Variants in PSEN1 observed in about 807,000 individuals in gnomAD.
PSEN1 encodes the protein presenilin 1.
PSEN1 carries 15 observed loss-of-function variants against 53.5 expected under a neutral mutation model. The ratio of observed to expected loss-of-function variants is 0.28; its 90% CI spans 0.19 to 0.43. The LOEUF (loss-of-function observed/expected upper bound fraction) is 0.43, where lower values mean the gene tolerates loss of function less well. PSEN1 is among the 20% of genes least tolerant of loss of function. PSEN1 has a pLI of 1.00. For synonymous variants in PSEN1, 208 were observed against 209.8 expected, an observed-to-expected ratio of 0.99 and a Z score of 0.08; for missense variants, 387 against 571.2, an observed-to-expected ratio of 0.68 and a Z score of 3.29.
rs1261083294 is a variant in PSEN1, at chr14:73,220,723, C to T, written c.*1434C>T. 1 of 152,206 alleles carries T rather than the reference C, an allele frequency of 6.6e-6. No homozygotes were observed. The highest frequency in any genetic ancestry group is 6.5e-5 in the Admixed American group (1 of 15,280). 9.4% of individuals were successfully genotyped at this position (152,206 alleles called of 1,614,324 possible). On this transcript the variant is annotated 3_prime_UTR_variant, in exon 12 of 12. Coordinates refer to ENST00000324501, the MANE Select transcript of PSEN1 (RefSeq NM_000021.4). ...TCTCTGCCCGCGTTACCTTTCCTCT[C>T]AATGTACCTTTGTGTGAACTGGGCA...
chr14:73,218,695 T>C (rs1371671468), intron 11 of PSEN1, among the ~76,000 whole-genome samples: 2 of 146,648 alleles, frequency 1.4e-5, no homozygotes, highest in East Asian at 4.0e-4. Flanking sequence ...CCGCACAGCA[T>C]AGAGAAGCCC....
chr14:73,164,761 A>C (rs1849143466), intron 3 of PSEN1, among the ~76,000 whole-genome samples: 1 of 152,242 alleles, frequency 6.6e-6, no homozygotes, highest in South Asian at 2.1e-4. Flanking sequence ...TCCAAATTTC[A>C]CACACTATGA....
At chr14:73,157,791 G>A (rs1897404718) in intron 3 of PSEN1, among the ~76,000 whole-genome samples, 1 of 151,838 alleles carries the variant, frequency 6.6e-6, no homozygotes, top group Admixed American at 6.6e-5. Flanking sequence ...ATGACTTGAG[G>A]CCACCTGGCC....
intron 9 of PSEN1, 100 bp from the exon 10 acceptor site, chr14:73,211,669 G>C: frequency 7.6e-7 from 1 of 1,310,192 alleles, no homozygotes; most frequent in Non-Finnish European, 1.1e-6. Context: ...TTAAGGGCCA[G>C]CTAGTTACAA....
intron 9 of PSEN1, among the ~76,000 whole-genome samples, chr14:73,208,500 C>A (rs573325637): frequency 2.6e-5 from 4 of 151,448 alleles, no homozygotes; most frequent in African/African-American, 9.7e-5. Context: ...GGAGAGGAGA[C>A]CCGGAATGGG....
chr14:73,155,224 TGACTA>T (rs1045428831), intron 3 of PSEN1, among the ~76,000 whole-genome samples: 3 of 152,214 alleles, frequency 2.0e-5, no homozygotes, highest in African/African-American at 7.2e-5. Context: ...TAGGGTCTCT[TGACTA>T]AACAGTTGGA....
At position 73,187,998 on chromosome 14, in the gene PSEN1, G is replaced by A. The variant is rs572448841; in HGVS notation, c.548+1078G>A. Among the ~76,000 whole-genome samples, 24 of 151,652 alleles carry A rather than the reference G, an allele frequency of 1.6e-4. No individual in the cohort carries two copies. The East Asian group carries it at 4.7e-3, about 29-fold the overall frequency. On this transcript the variant is annotated intron_variant, in intron 6 of 11. Coordinates refer to ENST00000324501, the MANE Select transcript of PSEN1 (RefSeq NM_000021.4). ...GGCTGGAGTGCAGTGGCATGATCTC[G>A]GCTCACTGCAACCCCCACCTCCTGG...
intron 1 of PSEN1, among the ~76,000 whole-genome samples, chr14:73,138,671 T>TA (rs1392551592): frequency 1.3e-5 from 2 of 149,680 alleles, no homozygotes; most frequent in Non-Finnish European, 3.0e-5. Flanking sequence ...TTTTTAAAGG[T>TA]AAAAAAAGGC....
chr14:73,156,233 A>G (rs575801257), intron 3 of PSEN1, among the ~76,000 whole-genome samples: 4 of 151,968 alleles, frequency 2.6e-5, no homozygotes, highest in Non-Finnish European at 5.9e-5. Context: ...GCATGTGCCT[A>G]TAGTCCCAGG....
intron 5 of PSEN1, among the ~76,000 whole-genome samples, chr14:73,180,774 T>C (rs559715028): frequency 1.6e-4 from 24 of 152,282 alleles, no homozygotes; most frequent in African/African-American, 5.3e-4. Context: ...TTTTGCAAGA[T>C]GAGAAAGGCC....
intron 7 of PSEN1, among the ~76,000 whole-genome samples, chr14:73,197,185 G>A (rs1051398410): frequency 9.9e-5 from 15 of 152,084 alleles, no homozygotes; most frequent in Non-Finnish European, 1.2e-4. Context: ...CGCCCACCTC[G>A]GCCTCCCAAA....
chr14:73,171,906 G>C (rs762961061), intron 4 of PSEN1, among the ~76,000 whole-genome samples: 1 of 152,130 alleles, frequency 6.6e-6, no homozygotes, highest in Non-Finnish European at 1.5e-5. Context: ...CTCCTAACAC[G>C]ATTAAGTCCT....
At chr14:73,155,531 T>C (rs1006238805) in intron 3 of PSEN1, among the ~76,000 whole-genome samples, 15 of 151,954 alleles carry the variant, frequency 9.9e-5, no homozygotes, top group East Asian at 1.9e-4. Context: ...TGAGACAGGG[T>C]CTCCTTCTAT....
intron 3 of PSEN1, 67 bp downstream of exon 3, chr14:73,148,173 G>A (rs2140508348): frequency 1.6e-6 from 2 of 1,217,402 alleles, no homozygotes; most frequent in South Asian, 1.3e-5. Flanking sequence ...CCTCACCTCT[G>A]AGAAATGCTG....
intron 3 of PSEN1, among the ~76,000 whole-genome samples, chr14:73,153,088 T>C (rs1057061886): frequency 9.2e-5 from 14 of 152,196 alleles, no homozygotes; most frequent in Non-Finnish European, 1.9e-4. Flanking sequence ...TATGAGCTAT[T>C]TAAAGGACCT....
At chr14:73,198,921 G>A (rs1462030869) in intron 8 of PSEN1, among the ~76,000 whole-genome samples, 5 of 152,040 alleles carry the variant, frequency 3.3e-5, no homozygotes, top group South Asian at 2.1e-4. Context: ...CTACAGGCAC[G>A]CACTACCAGG....
intron 5 of PSEN1, among the ~76,000 whole-genome samples, chr14:73,183,292 A>AT (rs34194809): frequency 0.013 from 1,960 of 148,248 alleles, 12 homozygotes; most frequent in Non-Finnish European, 0.021. Context: ...TAATTTTTGT[A>AT]TTTTTTTTTT....
chr14:73,170,684 C>T, intron 3 of PSEN1, 113 bp from the exon 4 acceptor site: 1 of 1,146,946 alleles, frequency 8.7e-7, no homozygotes, highest in African/African-American at 1.5e-5. Context: ...TTTTTTCTTG[C>T]TTCAGGTTTT....
intron 5 of PSEN1, among the ~76,000 whole-genome samples, chr14:73,185,257 C>T (rs1159049055): frequency 6.6e-6 from 1 of 152,204 alleles, no homozygotes; most frequent in African/African-American, 2.4e-5. Context: ...AGGCAGGCGG[C>T]TGGGAGGTGG....
Sources: gnomAD v4.1 joint callset for allele counts (sites outside exome capture counted in the v4.1 genomes callset) on GRCh38, gnomAD v4.1.1 for gene constraint, MANE v1.5 for transcripts, NCBI Gene and HGNC (gene_info 2026-07-23, HGNC 2026-07-21) for gene names.